Variants in FOXN2 observed in about 807,000 individuals in gnomAD.
The protein encoded by FOXN2 is forkhead box protein N2.
FOXN2 carries 19 observed loss-of-function variants against 41.2 expected under a neutral mutation model. The observed-to-expected ratio is 0.46, with a 90% CI of 0.32 to 0.68. The LOEUF (loss-of-function observed/expected upper bound fraction) is 0.68, where lower values mean the gene tolerates loss of function less well. Ranked by LOEUF, FOXN2 falls within the 30% of genes least tolerant of loss-of-function variation. FOXN2 has a pLI of 0.03. For synonymous variants in FOXN2, 195 were observed against 176.8 expected (o/e 1.10, Z -0.82); for missense variants, 587 against 509.4 (o/e 1.15, Z -1.47).
At chr2:48,327,118 C>T (rs559822831) in intron 1 of FOXN2, among the ~76,000 whole-genome samples, 13 of 152,074 alleles carry the variant, frequency 8.5e-5, no homozygotes, top group Middle Eastern at 3.4e-3. Context: ...CTTTACGTCA[C>T]GTATATCCCA....
intron 5 of FOXN2, among the ~76,000 whole-genome samples, chr2:48,372,867 T>C (rs901136231): frequency 6.6e-6 from 1 of 150,906 alleles, no homozygotes; most frequent in African/African-American, 2.4e-5. Context: ...GTAATTAACA[T>C]AGTACTTCAT....
chr2:48,318,942 C>T (rs1022164850), intron 1 of FOXN2, among the ~76,000 whole-genome samples: 3 of 152,104 alleles, frequency 2.0e-5, no homozygotes, highest in Non-Finnish European at 4.4e-5. Flanking sequence ...AATATATGTA[C>T]CATAAAAATA....
intron 5 of FOXN2, among the ~76,000 whole-genome samples, chr2:48,368,062 G>A (rs546096139): frequency 7.2e-5 from 11 of 152,102 alleles, no homozygotes; most frequent in South Asian, 2.1e-4. Flanking sequence ...GGCTGGTCTC[G>A]AGCTCCTGAC....
intron 2 of FOXN2, among the ~76,000 whole-genome samples, chr2:48,345,831 T>C (rs1159369373): frequency 6.6e-6 from 1 of 152,164 alleles, no homozygotes; most frequent in African/African-American, 2.4e-5. Context: ...TTAAGATACG[T>C]ATAAAGTCTT....
At chr2:48,365,934 T>C (rs762602296) in intron 5 of FOXN2, among the ~76,000 whole-genome samples, 6 of 152,138 alleles carry the variant, frequency 3.9e-5, no homozygotes, top group Non-Finnish European at 7.4e-5. Flanking sequence ...TAGAGAGAAG[T>C]TTAAAAAACA....
chr2:48,323,010 G>A (rs1402988378), intron 1 of FOXN2, among the ~76,000 whole-genome samples: 1 of 151,360 alleles, frequency 6.6e-6, no homozygotes, highest in Admixed American at 6.6e-5. Context: ...GTAAATAATT[G>A]CATTATGAGA....
At chr2:48,364,295 A>G (rs1489898934) in intron 5 of FOXN2, among the ~76,000 whole-genome samples, 1 of 152,138 alleles carries the variant, frequency 6.6e-6, no homozygotes, top group Non-Finnish European at 1.5e-5. Flanking sequence ...TGGCACAGTC[A>G]TGACTCACCA....
intron 1 of FOXN2, among the ~76,000 whole-genome samples, chr2:48,316,328 A>G (rs898117297): frequency 6.6e-6 from 1 of 152,156 alleles, no homozygotes; most frequent in Non-Finnish European, 1.5e-5. Context: ...AGAGTAGTGC[A>G]TTATGGAGTT....
chr2:48,329,511 AT>A (rs2104205246), intron 2 of FOXN2, among the ~76,000 whole-genome samples: 1 of 152,104 alleles, frequency 6.6e-6, no homozygotes, highest in African/African-American at 2.4e-5. Flanking sequence ...CTGCACTCCC[AT>A]CCCCCTTGAC....
chr2:48,358,912 C>A (rs1407727940), intron 3 of FOXN2, 135 bp from the exon 4 acceptor site: 3 of 623,016 alleles, frequency 4.8e-6, no homozygotes, highest in Non-Finnish European at 8.3e-6. Context: ...GCACACATAG[C>A]AAGCTCACTT....
intron 2 of FOXN2, among the ~76,000 whole-genome samples, chr2:48,340,448 A>T (rs1572725163): frequency 6.6e-6 from 1 of 152,314 alleles, no homozygotes; most frequent in South Asian, 2.1e-4. Flanking sequence ...TCACTATAAC[A>T]TTGAACGTAA....
chr2:48,343,939 T>C (rs1670930134), intron 2 of FOXN2, among the ~76,000 whole-genome samples: 1 of 152,204 alleles, frequency 6.6e-6, no homozygotes, highest in African/African-American at 2.4e-5. Flanking sequence ...TGGTACTTTC[T>C]AATTTCTAGA....
In FOXN2 at chr2:48,362,657, C is replaced by T. The variant is rs1672267020; in HGVS notation, c.653C>T (p.Pro218Leu). ...SASSQNGSLS[P>L]HYLSSVIKQN... ...TTGTTTTTCAGTGGTTCTTTATCAC[C>T]TCACTATTTAAGCTCTGTAATCAAG... The change falls in exon 5 of 7, where the codon CCT becomes CTT. Residue 218 changes from proline (P) to leucine (L), a missense_variant. Pro to Leu is a moderately conservative substitution (Grantham distance 98). Transcript: ENST00000340553. 6.2e-7 allele frequency: 1 copy of T among 1,613,684 alleles called. No homozygotes were observed. Among genetic ancestry groups the T allele is most frequent in the Non-Finnish European group, 8.5e-7 (1 of 1,179,848 alleles).
At chr2:48,363,302 G>A (rs1436272270) in intron 5 of FOXN2, among the ~76,000 whole-genome samples, 1 of 151,732 alleles carries the variant, frequency 6.6e-6, no homozygotes, top group Non-Finnish European at 1.5e-5. Flanking sequence ...AAGCTTATAG[G>A]TTATAAATAA....
At chr2:48,348,844 A>G (rs540564753) in intron 3 of FOXN2, among the ~76,000 whole-genome samples, 2 of 152,202 alleles carry the variant, frequency 1.3e-5, no homozygotes, top group Non-Finnish European at 2.9e-5. Context: ...CTTGTGCCAC[A>G]TTTGAGGTTG....
chr2:48,359,101 A>G lies in FOXN2; in HGVS notation c.592A>G (p.Ile198Val). ...TGATCCGGAATATAAACCCAATCTT[A>G]TCCAGGCACTGAAGAAGCAACCTTT... ...CVDPEYKPNLIQALKKQPFSS... is the reference protein window; with the variant it reads ...CVDPEYKPNLVQALKKQPFSS... Residue 198 changes from isoleucine to valine, a missense_variant, in exon 4 of 7, where the codon ATC (isoleucine) becomes GTC (valine). Ile to Val is a conservative substitution (Grantham distance 29). Coordinates refer to ENST00000340553, the MANE Select transcript of FOXN2 (RefSeq NM_002158.4). The G allele has an allele frequency of 6.2e-7, 1 of 1,613,828 alleles. No homozygotes were observed. The highest frequency in any genetic ancestry group is 8.5e-7 in the Non-Finnish European group (1 of 1,179,844).
rs1673358827 is a variant in FOXN2, at chr2:48,378,030, A to T, written c.*2587A>T. The stretch of plus-strand genomic sequence containing the variant: ...TCCAACATATCCTAAAAACTGTGAT[A>T]TAAGCTAACATATAATTTGCCTTAC... On this transcript the variant is annotated 3_prime_UTR_variant, in exon 7 of 7. Coordinates refer to ENST00000340553, the MANE Select transcript of FOXN2 (RefSeq NM_002158.4). The T allele has an allele frequency of 6.6e-6, 1 of 152,282 alleles. No individual in the cohort carries two copies. Among genetic ancestry groups the T allele is most frequent in the South Asian group, 2.1e-4 (1 of 4,832 alleles). The allele number at this position is 152,282 out of a possible 1,614,324, so 9.4% of individuals were successfully genotyped here. A position where few individuals can be genotyped will look rare whatever the true frequency, so the allele number is the denominator to read the frequency against.
In FOXN2 at chr2:48,336,995, A is replaced by G. The variant is rs184970969; in HGVS notation, c.-15+8293A>G. 1.2e-4 allele frequency among the ~76,000 whole-genome samples: 19 copies of G among 152,254 alleles called. No homozygotes were observed. The East Asian group carries it at 3.7e-3, about 29-fold the overall frequency. On this transcript the variant is annotated intron_variant, in intron 2 of 6. Transcript: ENST00000340553. ...TTCTTTAAGTTATTTAAAAATATAC[A>G]AATAAGTTATTATTGACTATAGTCA...
chr2:48,354,582 G>C (rs1479416792), intron 3 of FOXN2, among the ~76,000 whole-genome samples: 3 of 152,210 alleles, frequency 2.0e-5, no homozygotes, highest in Non-Finnish European at 4.4e-5. Flanking sequence ...CCTGGCAACA[G>C]AGCGAGACTT....
Sources: gnomAD v4.1 joint callset for allele counts (sites outside exome capture counted in the v4.1 genomes callset) on GRCh38, gnomAD v4.1.1 for gene constraint, MANE v1.5 for transcripts, NCBI Gene and HGNC (gene_info 2026-07-23, HGNC 2026-07-21) for gene names.